The following MALRD1 variants were observed in gnomAD, a reference collection of about 807,000 sequenced individuals.
The protein encoded by MALRD1 is MAM and LDL receptor class A domain containing 1, also known as MAM and LDL-receptor class A domain-containing protein 1.
Under a neutral mutation model 242.1 loss-of-function variants are expected in MALRD1, and 247 were observed. That is an observed-to-expected ratio of 1.02 (90% CI 0.92 to 1.13). MALRD1 has a LOEUF of 1.13. Ranked by LOEUF, MALRD1 falls within the 50% of genes most tolerant of loss-of-function variation. The pLI, the probability that MALRD1 is intolerant of heterozygous loss-of-function variation, is 0.00. For synonymous variants in MALRD1, 995 were observed against 866.6 expected, an observed-to-expected ratio of 1.15 and a Z score of -2.60; for missense variants, 2,989 against 2,533.1, an observed-to-expected ratio of 1.18 and a Z score of -3.86.
At chr10:19,394,564 G>C (rs1846492783) in intron 28 of MALRD1, among the ~76,000 whole-genome samples, 1 of 152,110 alleles carries the variant, frequency 6.6e-6, no homozygotes. Context: ...ATGAGCCTTG[G>C]TTGTAGACAA....
chr10:19,324,001 G>A lies in MALRD1; in HGVS notation c.3472G>A (p.Gly1158Ser). The part of the protein sequence containing the change: ...LYADSSNGKF[G>S]DTADILTPII... ...TGCTGACAGTTCTAATGGGAAATTT[G>A]GTGACACGGCTGACATTCTCACTCC... The change falls in exon 22 of 40, where the codon GGT becomes AGT. Residue 1158 changes from glycine (G) to serine (S), a missense_variant. Physicochemically the swap from Gly to Ser is moderately conservative, Grantham distance 56 (BLOSUM62 0). Coordinates refer to ENST00000454679, the MANE Select transcript of MALRD1 (RefSeq NM_001142308.3). 6.4e-7 allele frequency: 1 copy of A among 1,550,772 alleles called. No homozygotes were observed. The highest frequency in any genetic ancestry group is 2.4e-5 in the East Asian group (1 of 40,904).
At chr10:19,316,472 T>A (rs1006670187) in intron 21 of MALRD1, among the ~76,000 whole-genome samples, 10 of 151,828 alleles carry the variant, frequency 6.6e-5, no homozygotes, top group African/African-American at 2.4e-4. Context: ...CAATACAGAA[T>A]GTTCTTTTTT....
At chr10:19,189,348 T>C (rs1835877709) in intron 14 of MALRD1, among the ~76,000 whole-genome samples, 1 of 152,134 alleles carries the variant, frequency 6.6e-6, no homozygotes. Context: ...GCCCTGGAAC[T>C]GTCCCATTAG....
intron 26 of MALRD1, among the ~76,000 whole-genome samples, chr10:19,382,193 T>C (rs1706121897): frequency 6.6e-6 from 1 of 152,194 alleles, no homozygotes; most frequent in African/African-American, 2.4e-5. Flanking sequence ...TCCAAAACTC[T>C]AGATCATCCT....
chr10:19,585,426 G>C (rs1837339930), intron 33 of MALRD1, among the ~76,000 whole-genome samples: 1 of 151,968 alleles, frequency 6.6e-6, no homozygotes, highest in Admixed American at 6.6e-5. Flanking sequence ...GCCTGGTGGT[G>C]ACAAAATCTC....
intron 29 of MALRD1, among the ~76,000 whole-genome samples, chr10:19,462,218 A>T (rs1170447087): frequency 2.0e-5 from 3 of 152,082 alleles, no homozygotes; most frequent in East Asian, 3.9e-4. Flanking sequence ...ATGCAAACCA[A>T]CCACTCTAGA....
intron 32 of MALRD1, among the ~76,000 whole-genome samples, chr10:19,565,014 C>A (rs1836189490): frequency 6.6e-6 from 1 of 152,074 alleles, no homozygotes; most frequent in Admixed American, 6.6e-5. Flanking sequence ...TGTAATTATT[C>A]AACTTAATAT....
At chr10:19,283,248 C>T (rs561870611) in intron 21 of MALRD1, 67 bp downstream of exon 21, 5 of 1,278,502 alleles carry the variant, frequency 3.9e-6, no homozygotes, top group Admixed American at 5.9e-5. Context: ...CAAATTTCTG[C>T]CCCCACCACC....
intron 28 of MALRD1, among the ~76,000 whole-genome samples, chr10:19,429,128 A>T (rs1332825624): frequency 6.6e-6 from 1 of 152,240 alleles, no homozygotes; most frequent in African/African-American, 2.4e-5. Context: ...ACACTTGACG[A>T]CAAAGGCTTG....
chr10:19,181,545 G>A (rs920584515), intron 14 of MALRD1, among the ~76,000 whole-genome samples: 4 of 152,148 alleles, frequency 2.6e-5, no homozygotes, highest in Non-Finnish European at 4.4e-5. Flanking sequence ...CCAGAGGCAG[G>A]GGCCAAGGGA....
intron 5 of MALRD1, among the ~76,000 whole-genome samples, chr10:19,121,041 G>T (rs1276164433): frequency 8.2e-6 from 1 of 121,398 alleles, no homozygotes; most frequent in South Asian, 2.7e-4. Flanking sequence ...ACTGTGCCCG[G>T]CCTTTTTTTT....
At chr10:19,464,760 T>C (rs890770234) in intron 29 of MALRD1, among the ~76,000 whole-genome samples, 2 of 152,236 alleles carry the variant, frequency 1.3e-5, no homozygotes, top group East Asian at 3.9e-4. Flanking sequence ...ATGGTGGTAT[T>C]TTCATGGGAA....
rs1836671575 is a variant in MALRD1 at position 19,475,162 on chromosome 10, T to TC, written c.5030-16352dup. ...CGGGCGCAGTGGCTCACGCCTGTAA[T>TC]CCCAGCACTTTGGGAGGCCGAGGCG... On this transcript the variant is annotated intron_variant, in intron 29 of 39. Transcript: ENST00000454679. Among the ~76,000 whole-genome samples, 6 of 152,216 alleles carry TC rather than the reference T, an allele frequency of 3.9e-5. No homozygotes were observed. The South Asian group carries it at 1.2e-3, about 32-fold the overall frequency.
intron 14 of MALRD1, among the ~76,000 whole-genome samples, chr10:19,178,623 C>T (rs1051688272): frequency 7.9e-5 from 12 of 152,264 alleles, no homozygotes; most frequent in African/African-American, 2.4e-4. Flanking sequence ...TTTAATCAAG[C>T]TTCTTCTCCT....
intron 18 of MALRD1, among the ~76,000 whole-genome samples, chr10:19,217,151 T>C (rs574875411): frequency 5.0e-4 from 76 of 152,222 alleles, no homozygotes; most frequent in African/African-American, 1.7e-3. Context: ...CAAATTGATC[T>C]TTCTAAAATG....
intron 34 of MALRD1, among the ~76,000 whole-genome samples, chr10:19,605,026 G>C (rs553508325): frequency 1.3e-5 from 2 of 151,976 alleles, no homozygotes; most frequent in Non-Finnish European, 2.9e-5. Flanking sequence ...AGTTTACTTG[G>C]TTTGCAATGT....
intron 6 of MALRD1, among the ~76,000 whole-genome samples, chr10:19,124,084 G>A (rs975321240): frequency 6.6e-6 from 1 of 151,418 alleles, no homozygotes; most frequent in African/African-American, 2.4e-5. Context: ...GAGCATGGTG[G>A]CATGCACCTG....
At chr10:19,267,192 G>T (rs774295708) in intron 19 of MALRD1, among the ~76,000 whole-genome samples, 1 of 151,848 alleles carries the variant, frequency 6.6e-6, no homozygotes, top group Non-Finnish European at 1.5e-5. Context: ...TAAATTTTCA[G>T]ATATCAGCAT....
intron 2 of MALRD1, among the ~76,000 whole-genome samples, chr10:19,069,239 A>G (rs1441774239): frequency 6.6e-6 from 1 of 152,084 alleles, no homozygotes; most frequent in African/African-American, 2.4e-5. Context: ...TCAGTTTTAA[A>G]TGAGGATATT....
Sources: allele counts gnomAD v4.1 joint callset (sites outside exome capture counted in the v4.1 genomes callset), GRCh38; gene constraint gnomAD v4.1.1; transcripts MANE v1.5; gene names NCBI Gene and HGNC (gene_info 2026-07-23, HGNC 2026-07-21).